Variants in SRCAP observed in about 807,000 individuals in gnomAD.
The protein encoded by SRCAP is Snf2 related CREBBP activator protein, also known as chromatin remodeling protein SRCAP.
Under a neutral mutation model 263.1 loss-of-function variants are expected in SRCAP, and 46 were observed. That is an observed-to-expected ratio of 0.17 (90% CI 0.14 to 0.22). The LOEUF is 0.22. SRCAP is among the 10% of genes least tolerant of loss of function. The pLI is 1.00. For missense variants in SRCAP, 3,695 were observed against 4,181.9 expected (o/e 0.88, Z 3.21); for synonymous variants, 1,813 against 1,662.1 (o/e 1.09, Z -2.21).
At position 30,738,373 on chromosome 16, in the gene SRCAP, T is replaced by G. The variant is rs140641749; in HGVS notation, c.8333T>G (p.Val2778Gly). Residue 2778 changes from valine to glycine, a missense_variant, in exon 34 of 34, where the codon GTG becomes GGG. This residue lies in a region of SRCAP where 1,207 missense variants were observed against 1,142.9 expected (regional missense o/e 1.06). Coordinates refer to ENST00000262518, the MANE Select transcript of SRCAP (RefSeq NM_006662.3). ...CAGCGGGGAGCTGCCAGCACCCTAG[T>G]GCCTGGGGTCTCTGAGACTAGTGCC... is the stretch of plus-strand genomic sequence containing the variant. ...RQQRGAASTL[V>G]PGVSETSASP... is the part of the protein sequence containing the mutation. 8.3e-6 allele frequency: 13 copies of G among 1,558,854 alleles called. No individual in the cohort carries two copies. The African/African-American group carries it at 1.6e-4, about 20-fold the overall frequency.
In SRCAP at chr16:30,720,898, C is replaced by T. The variant is rs892531996; in HGVS notation, c.3173C>T (p.Pro1058Leu). The change falls in exon 20 of 34, where the codon CCC becomes CTC. Residue 1058 changes from proline (P) to leucine (L), a missense_variant. Physicochemically the swap from Pro to Leu is moderately conservative, Grantham distance 98 (BLOSUM62 -3). Around this residue, in one of 12 missense-constraint regions of SRCAP, gnomAD observed 1,347 missense variants for 1,304.4 expected, o/e 1.03. Coordinates refer to ENST00000262518, the MANE Select transcript of SRCAP (RefSeq NM_006662.3). The part of the protein sequence containing the change: ...SLMVSASPAG[P>L]PLIPASRPPG... ...ATGGTTTCAGCCTCACCTGCCGGGC[C>T]CCCGCTTATTCCTGCATCTCGGCCT... 5 of 1,613,992 alleles carry T rather than the reference C, an allele frequency of 3.1e-6. No individual in the cohort carries two copies. The highest frequency in any genetic ancestry group is 4.2e-6 in the Non-Finnish European group (5 of 1,180,020).
intron 2 of SRCAP, among the ~76,000 whole-genome samples, chr16:30,700,224 CTG>C (rs1234573447): frequency 1.3e-5 from 2 of 152,214 alleles, no homozygotes; most frequent in Non-Finnish European, 2.9e-5. Context: ...TGGCATCAGA[CTG>C]TGGATTGAAG....
intron 16 of SRCAP, 150 bp downstream of exon 16, chr16:30,713,861 A>AT (rs2052916925): frequency 1.5e-6 from 1 of 649,174 alleles, no homozygotes; most frequent in African/African-American, 1.8e-5. Flanking sequence ...TGACTAACCC[A>AT]TTGCCAGATT....
chr16:30,735,602 A>T (rs1250151495), intron 31 of SRCAP, among the ~76,000 whole-genome samples: 1 of 101,012 alleles, frequency 9.9e-6, no homozygotes, highest in Non-Finnish European at 1.8e-5. Context: ...AGACGGAGTC[A>T]CGGAGTCTTG....
chr16:30,736,766 G>A lies in SRCAP; in HGVS notation c.7008+142G>A, dbSNP rs531583627. On this transcript the variant is annotated intron_variant, in intron 33 of 33. Coordinates refer to ENST00000262518, the MANE Select transcript of SRCAP (RefSeq NM_006662.3). Reference sequence around the variant, plus strand: ...CGGGTCACTGCAGTCTCCGCCTCCCGGGTTCAAGCAGTTCTCCTGCATCAG... The same window carrying A: ...CGGGTCACTGCAGTCTCCGCCTCCCAGGTTCAAGCAGTTCTCCTGCATCAG... 7.6e-6 allele frequency: 7 copies of A among 920,570 alleles called. No homozygotes were observed. The African/African-American group carries it at 1.0e-4, about 13-fold the overall frequency. The allele number at this position is 920,570 out of a possible 1,614,324, so 57.0% of individuals were successfully genotyped here. A position where few individuals can be genotyped will look rare whatever the true frequency, so the allele number is the denominator to read the frequency against.
Position 30,733,186 on chromosome 16 carries a change from CATTG to C in SRCAP, c.6128-90_6128-87del. Reference sequence around the variant, plus strand: ...GGCTAATTGAAACTTTGGCTTAAAGCATTGATTATCTTTCAACCCCAGCCTTGCA... The same window carrying C: ...GGCTAATTGAAACTTTGGCTTAAAGCATTATCTTTCAACCCCAGCCTTGCA... On this transcript the variant is annotated intron_variant, in intron 27 of 33. Coordinates refer to ENST00000262518, the MANE Select transcript of SRCAP (RefSeq NM_006662.3). The surrounding 1 kb of genome is among the most constrained non-coding windows in gnomAD (Gnocchi z 5.3). 7.0e-7 allele frequency: 1 copy of C among 1,419,114 alleles called. No homozygotes were observed. The allele number at this position is 1,419,114 out of a possible 1,614,324, so 87.9% of individuals were successfully genotyped here. A position where few individuals can be genotyped will look rare whatever the true frequency, so the allele number is the denominator to read the frequency against.
In SRCAP at chr16:30,706,272, A is replaced by G. The variant is rs556994315; in HGVS notation, c.307-911A>G. 8.5e-4 allele frequency among the ~76,000 whole-genome samples: 129 copies of G among 152,274 alleles called. 1 individual carries two copies. The highest frequency in any genetic ancestry group is 3.0e-3 in the African/African-American group (126 of 41,558). On this transcript the variant is annotated intron_variant, in intron 4 of 33. Coordinates refer to ENST00000262518, the MANE Select transcript of SRCAP (RefSeq NM_006662.3). ...CCAGGAGTTCCAGACCAGCCTTGAC[A>G]TTGTGAAACCTCGCCCCTACGAAAA...
At chr16:30,702,768 G>C (rs1481514945) in intron 3 of SRCAP, among the ~76,000 whole-genome samples, 1 of 149,932 alleles carries the variant, frequency 6.7e-6, no homozygotes, top group African/African-American at 2.5e-5. Flanking sequence ...ACCACACGTG[G>C]CTAATTTCTG....
At position 30,733,907 on chromosome 16, in the gene SRCAP, C is replaced by T. The variant is rs747345543; in HGVS notation, c.6508C>T (p.Arg2170Trp). The change falls in exon 30 of 34, where the codon CGG becomes TGG. Residue 2170 changes from arginine (R) to tryptophan (W), a missense_variant. Physicochemically the swap from Arg to Trp is moderately radical, Grantham distance 101 (BLOSUM62 -3). This residue lies in a region of SRCAP where 138 missense variants were observed against 254.9 expected (regional missense o/e 0.54). Transcript: ENST00000262518. The surrounding 1 kb of genome is among the most constrained non-coding windows in gnomAD (Gnocchi z 5.3). ...ATCACCCCCTAGGCTTATCAGTGAA[C>T]GGACAGTGGAGGAGAACATCCTAAA... Reference protein sequence around the residue: ...DVHIYRLISERTVEENILKKA... With the variant: ...DVHIYRLISEWTVEENILKKA... 1.1e-5 allele frequency: 17 copies of T among 1,613,952 alleles called. No individual in the cohort carries two copies. Among genetic ancestry groups the T allele is most frequent in the Middle Eastern group, 1.6e-4 (1 of 6,084 alleles).
At position 30,738,489 on chromosome 16, in the gene SRCAP, C is replaced by T. The variant is rs2053183879; in HGVS notation, c.8449C>T (p.Leu2817=). ...CTGTGAAGCTGCTCCTTCATCCTCA[C>T]TGCCCACTCCACCCCAGCAGCCCTT... ...GPCEAAPSSS[L]PTPPQQPFIA... Residue 2817 remains leucine, a synonymous_variant, in exon 34 of 34, where the codon CTG becomes TTG. Coordinates refer to ENST00000262518, the MANE Select transcript of SRCAP (RefSeq NM_006662.3). 4 of 1,603,260 alleles carry T rather than the reference C, an allele frequency of 2.5e-6. No individual in the cohort carries two copies. The highest frequency in any genetic ancestry group is 3.4e-6 in the Non-Finnish European group (4 of 1,174,608).
In SRCAP at chr16:30,733,233, C is replaced by T. The variant is rs750735230; in HGVS notation, c.6128-47C>T. ...GCCTTGCATTGCTAAGCATTCTACCCATTGCGGCTTGTAGCTAGCTCCCTG... is the reference window on the plus strand; with the variant it reads ...GCCTTGCATTGCTAAGCATTCTACCTATTGCGGCTTGTAGCTAGCTCCCTG... On this transcript the variant is annotated intron_variant, in intron 27 of 33. Coordinates refer to ENST00000262518, the MANE Select transcript of SRCAP (RefSeq NM_006662.3). This position sits in a 1 kb window ranked among gnomAD's most constrained non-coding sequence, Gnocchi z 5.3. 31 of 1,594,760 alleles carry T rather than the reference C, an allele frequency of 1.9e-5. No homozygotes were observed. The Admixed American group carries it at 3.0e-4, about 16-fold the overall frequency.
intron 23 of SRCAP, 104 bp downstream of exon 23, chr16:30,722,852 G>A: frequency 6.5e-7 from 1 of 1,544,708 alleles, no homozygotes; most frequent in Non-Finnish European, 8.7e-7. Flanking sequence ...GTTTTCCCTT[G>A]CGAATATCTA....
At chr16:30,731,864 G>T (rs886329493) in intron 27 of SRCAP, among the ~76,000 whole-genome samples, 6 of 151,906 alleles carry the variant, frequency 3.9e-5, no homozygotes, top group African/African-American at 1.4e-4. Flanking sequence ...ATAAAATAAG[G>T]CTGGGCCTGG....
intron 16 of SRCAP, among the ~76,000 whole-genome samples, chr16:30,715,598 C>T (rs1461437624): frequency 1.3e-5 from 2 of 151,602 alleles, no homozygotes; most frequent in Middle Eastern, 3.2e-3. Flanking sequence ...GGAAGTCTTC[C>T]TTAACTATTA....
intron 15 of SRCAP, 23 bp from the exon 16 acceptor site, chr16:30,713,496 T>A: frequency 6.2e-7 from 1 of 1,613,652 alleles, no homozygotes; most frequent in Non-Finnish European, 8.5e-7. Flanking sequence ...ATACTCTCTC[T>A]GATTCTCTCT....
intron 18 of SRCAP, among the ~76,000 whole-genome samples, chr16:30,719,201 T>C (rs2052984445): frequency 1.3e-5 from 1 of 78,532 alleles, no homozygotes. Flanking sequence ...CCGCCTATTA[T>C]TTATTTATTT....
In SRCAP at chr16:30,738,011, A is replaced by G. The variant is rs1381049518; in HGVS notation, c.7971A>G (p.Ser2657=). 1.9e-6 allele frequency: 3 copies of G among 1,613,966 alleles called. No individual in the cohort carries two copies. Among genetic ancestry groups the G allele is most frequent in the Admixed American group, 1.7e-5 (1 of 59,996 alleles). The part of the protein sequence containing the change: ...SESNGLELPP[S]AASDEPLQEP... The stretch of plus-strand genomic sequence containing the variant: ...GCAATGGCCTGGAGCTCCCACCCTC[A>G]GCAGCATCTGATGAGCCACTTCAGG... Residue 2657 remains serine, a synonymous_variant, in exon 34 of 34, where the codon TCA becomes TCG. Transcript: ENST00000262518.
chr16:30,733,818 C>T lies in SRCAP; in HGVS notation c.6494+20C>T, dbSNP rs1192108387. The T allele has an allele frequency of 3.1e-6, 5 of 1,611,642 alleles. No homozygotes were observed. The highest frequency in any genetic ancestry group is 1.1e-5 in the South Asian group (1 of 90,896). On this transcript the variant is annotated intron_variant, in intron 29 of 33. Coordinates refer to ENST00000262518, the MANE Select transcript of SRCAP (RefSeq NM_006662.3). The surrounding 1 kb of genome is among the most constrained non-coding windows in gnomAD (Gnocchi z 5.3). ...ATATAGGTATTGCCTAGTCTTCCCT[C>T]ACCTTACTTTCCGTTTACTGATGGG...
rs1456807302 is a variant in SRCAP, at chr16:30,739,263, G to A, written c.9223G>A (p.Gly3075Arg). The A allele has an allele frequency of 1.4e-5, 23 of 1,613,838 alleles. No individual in the cohort carries two copies. The highest frequency in any genetic ancestry group is 1.9e-5 in the Non-Finnish European group (23 of 1,180,024). ...RLARLRLEAE[G>R]MRGRKSGGSM... The stretch of plus-strand genomic sequence containing the variant: ...GGCCCGCCTTCGGCTTGAAGCAGAA[G>A]GAATGCGAGGACGGAAGAGTGGAGG... The change falls in exon 34 of 34, where the codon GGA (glycine) becomes AGA (arginine). Residue 3075 changes from glycine to arginine, a missense_variant. Around this residue, in one of 12 missense-constraint regions of SRCAP, gnomAD observed 1,207 missense variants for 1,142.9 expected, o/e 1.06. Transcript: ENST00000262518.
Sources: allele counts gnomAD v4.1 joint callset (sites outside exome capture counted in the v4.1 genomes callset), GRCh38; gene constraint gnomAD v4.1.1; regional missense constraint gnomAD v4.1.1; non-coding constraint Gnocchi (gnomAD v3.1); transcripts MANE v1.5; gene names NCBI Gene and HGNC (gene_info 2026-07-23, HGNC 2026-07-21).